The following THADA variants were observed in gnomAD, a reference collection of about 807,000 sequenced individuals.
THADA encodes THADA armadillo repeat containing.
A neutral mutation model predicts 219.8 loss-of-function variants in THADA; 213 were observed. The ratio of observed to expected loss-of-function variants is 0.97; its 90% confidence interval spans 0.87 to 1.09. THADA has a LOEUF of 1.09. Ranked by LOEUF, THADA falls within the 50% of genes least tolerant of loss-of-function variation. The pLI, the probability that THADA is intolerant of heterozygous loss-of-function variation, is 0.00. For synonymous variants in THADA, 1,018 were observed against 828.9 expected (o/e 1.23, Z -3.92); for missense variants, 2,956 against 2,311.3 (o/e 1.28, Z -5.72).
chr2:43,387,484 T>C (rs1371096840), intron 29 of THADA, among the ~76,000 whole-genome samples: 2 of 152,002 alleles, frequency 1.3e-5, no homozygotes, highest in Non-Finnish European at 2.9e-5. Context: ...TTAATGCCTA[T>C]GCACAGCTCA....
intron 21 of THADA, among the ~76,000 whole-genome samples, chr2:43,537,143 A>G (rs928126370): frequency 6.6e-6 from 1 of 152,238 alleles, no homozygotes; most frequent in African/African-American, 2.4e-5. Flanking sequence ...ATTTCTTCAA[A>G]GCTCAAACAC....
intron 30 of THADA, among the ~76,000 whole-genome samples, chr2:43,339,573 C>T (rs550592615): frequency 6.6e-6 from 1 of 152,316 alleles, no homozygotes; most frequent in African/African-American, 2.4e-5. Context: ...AGCCACCGCA[C>T]CCAGCCCTGA....
intron 7 of THADA, among the ~76,000 whole-genome samples, chr2:43,583,904 G>C (rs1700728592): frequency 6.6e-6 from 1 of 152,008 alleles, no homozygotes; most frequent in Non-Finnish European, 1.5e-5. Flanking sequence ...ACAGGGCATA[G>C]TGGCGGACGT....
chr2:43,429,414 AT>A (rs925776527), intron 27 of THADA, among the ~76,000 whole-genome samples: 1 of 152,092 alleles, frequency 6.6e-6, no homozygotes, highest in Non-Finnish European at 1.5e-5. Flanking sequence ...CCAGAATGTG[AT>A]TTTTAAGACA....
chr2:43,595,832 C>G (rs1450682332), intron 1 of THADA, 99 bp downstream of exon 1: 1 of 152,326 alleles, frequency 6.6e-6, no homozygotes, highest in South Asian at 2.1e-4. Context: ...CTGGCGATAC[C>G]AAAGGATGGG....
chr2:43,568,065 A>C (rs1044599490), intron 14 of THADA, among the ~76,000 whole-genome samples: 10 of 152,218 alleles, frequency 6.6e-5, no homozygotes, highest in South Asian at 2.1e-4. Flanking sequence ...TGGAGTCAAG[A>C]GCAGGTCTGG....
chr2:43,461,529 G>C (rs79021468), intron 26 of THADA, among the ~76,000 whole-genome samples: 4,217 of 152,158 alleles, frequency 0.028, 69 homozygotes, highest in Middle Eastern at 0.054. Flanking sequence ...GTACCTGGAA[G>C]GAAGAGCTGT....
intron 4 of THADA, 96 bp downstream of exon 4, chr2:43,590,728 A>C: frequency 7.8e-7 from 1 of 1,286,466 alleles, no homozygotes. Context: ...TGTGATCTGT[A>C]TCAGTTCAGT....
chr2:43,575,108 A>C, intron 10 of THADA, 81 bp from the exon 11 acceptor site: 1 of 1,075,750 alleles, frequency 9.3e-7, no homozygotes, highest in Non-Finnish European at 1.3e-6. Context: ...TAGACTTTAA[A>C]AATATTAAAT....
Position 43,232,752 on chromosome 2 carries a change from C to G in THADA, c.5427G>C (p.Glu1809Asp). The G allele has an allele frequency of 6.2e-7, 1 of 1,613,898 alleles. No homozygotes were observed. Among genetic ancestry groups the G allele is most frequent in the Non-Finnish European group, 8.5e-7 (1 of 1,179,860 alleles). The change falls in exon 37 of 38, where the codon GAG becomes GAC. Residue 1809 changes from glutamate (E) to aspartate (D), a missense_variant. Glu to Asp is a conservative substitution (Grantham distance 45). Coordinates refer to ENST00000405975, the MANE Select transcript of THADA (RefSeq NM_022065.5). Reference sequence around the variant, plus strand: ...CCACACAGGCCACGAGGTCATCACTCTCTCCCAACAGCCATCCCAGCAGGA... The same window carrying G: ...CCACACAGGCCACGAGGTCATCACTGTCTCCCAACAGCCATCCCAGCAGGA... Reference protein sequence around the residue: ...LPILLGWLLGESDDLVACVES... With the variant: ...LPILLGWLLGDSDDLVACVES...
chr2:43,407,974 C>T, intron 28 of THADA, among the ~76,000 whole-genome samples: 1 of 152,120 alleles, frequency 6.6e-6, no homozygotes, highest in East Asian at 1.9e-4. Context: ...CAATTTATCC[C>T]ACTAATTTCA....
At chr2:43,336,575 AT>A (rs900492489) in intron 30 of THADA, among the ~76,000 whole-genome samples, 95 of 146,444 alleles carry the variant, frequency 6.5e-4, no homozygotes, top group Admixed American at 1.6e-3. Flanking sequence ...CTCGTCCCCA[AT>A]TTTTTTTTTT....
At chr2:43,564,648 T>C (rs1229843040) in intron 15 of THADA, 2 of 152,242 alleles carry the variant, frequency 1.3e-5, no homozygotes, top group Non-Finnish European at 2.9e-5. Flanking sequence ...GGATGTGTTT[T>C]AGAGACCATT....
intron 22 of THADA, among the ~76,000 whole-genome samples, chr2:43,516,864 G>C (rs1691791625): frequency 6.6e-6 from 1 of 152,098 alleles, no homozygotes; most frequent in African/African-American, 2.4e-5. Context: ...TTTGCACTAT[G>C]CTATGTCCTA....
intron 36 of THADA, among the ~76,000 whole-genome samples, chr2:43,242,799 A>G (rs1305483597): frequency 6.6e-6 from 1 of 152,166 alleles, no homozygotes; most frequent in Non-Finnish European, 1.5e-5. Context: ...CAGCACCTAC[A>G]TTCTTGACCA....
intron 31 of THADA, among the ~76,000 whole-genome samples, chr2:43,296,890 C>T (rs947047076): frequency 3.3e-5 from 5 of 151,192 alleles, no homozygotes; most frequent in African/African-American, 9.7e-5. Flanking sequence ...CCGCGGGGCC[C>T]GAGGGCAAGG....
chr2:43,567,987 G>C (rs554477023), intron 14 of THADA, among the ~76,000 whole-genome samples: 1 of 151,850 alleles, frequency 6.6e-6, no homozygotes, highest in African/African-American at 2.4e-5. Flanking sequence ...AGTTCTCCCT[G>C]TACTTTCTTA....
intron 31 of THADA, among the ~76,000 whole-genome samples, chr2:43,314,162 G>T (rs1314190206): frequency 2.6e-5 from 4 of 152,156 alleles, no homozygotes; most frequent in Non-Finnish European, 5.9e-5. Flanking sequence ...ACAGCCTTCT[G>T]AGATCATTTA....
intron 25 of THADA, 54 bp downstream of exon 25, chr2:43,498,779 A>T: frequency 1.3e-6 from 2 of 1,565,862 alleles, no homozygotes; most frequent in Admixed American, 3.9e-5. Context: ...AGTTTATTAA[A>T]ACCTACTCAG....
Sources: allele counts gnomAD v4.1 joint callset (sites outside exome capture counted in the v4.1 genomes callset), GRCh38; gene constraint gnomAD v4.1.1; transcripts MANE v1.5; gene names NCBI Gene and HGNC (gene_info 2026-07-23, HGNC 2026-07-21).